The following PASK variants were observed in gnomAD, a reference collection of about 807,000 sequenced individuals.
PASK encodes PAS domain containing serine/threonine kinase, also known as PAS domain-containing serine/threonine-protein kinase.
Under a neutral mutation model 121.0 loss-of-function variants are expected in PASK, and 110 were observed. The observed-to-expected ratio is 0.91, with a 90% confidence interval of 0.78 to 1.06. The LOEUF (loss-of-function observed/expected upper bound fraction) is 1.06. Ranked by LOEUF, PASK falls within the 50% of genes least tolerant of loss-of-function variation. The pLI is 0.00. For synonymous variants in PASK, 686 were observed against 717.8 expected, an observed-to-expected ratio of 0.96 and a Z score of 0.71; for missense variants, 1,643 against 1,702.3, an observed-to-expected ratio of 0.97 and a Z score of 0.61.
At chr2:241,139,440 C>A in intron 4 of PASK, 1 of 453,096 alleles carries the variant, frequency 2.2e-6, no homozygotes, top group Admixed American at 2.4e-5. Flanking sequence ...ACACATGGCA[C>A]AGGTGAGAGA....
chr2:241,115,314 T>C lies in PASK; in HGVS notation c.3172A>G (p.Arg1058Gly). ...KVTLEIAILSRVEHANIIKVL... is the reference protein window; with the variant it reads ...KVTLEIAILSGVEHANIIKVL... ...TTGATGATATTGGCGTGCTCCACCCTGGATAGAATTGCGATCTCTAAAGTA... is the reference window on the plus strand; with the variant it reads ...TTGATGATATTGGCGTGCTCCACCCCGGATAGAATTGCGATCTCTAAAGTA... Residue 1058 changes from arginine to glycine, a missense_variant, in exon 13 of 18, where the codon AGG becomes GGG. Physicochemically the swap from Arg to Gly is moderately radical, Grantham distance 125. Transcript: ENST00000234040. 1 of 1,614,032 alleles carries C rather than the reference T, an allele frequency of 6.2e-7. No individual in the cohort carries two copies. Among genetic ancestry groups the C allele is most frequent in the East Asian group, 2.2e-5 (1 of 44,888 alleles).
intron 9 of PASK, among the ~76,000 whole-genome samples, chr2:241,131,459 T>C (rs886257565): frequency 1.3e-5 from 2 of 152,226 alleles, no homozygotes; most frequent in Non-Finnish European, 2.9e-5. Context: ...ATGCATTACA[T>C]ATTTTTAAAC....
chr2:241,149,198 C>G (rs1227624162), intron 1 of PASK, among the ~76,000 whole-genome samples: 1 of 152,114 alleles, frequency 6.6e-6, no homozygotes, highest in Admixed American at 6.5e-5. Flanking sequence ...CCAGGGCCAA[C>G]GGCCGCAACC....
Position 241,116,578 on chromosome 2 carries a change from C to T in PASK, c.3073-1165G>A, listed in dbSNP as rs2065379621. 2.0e-5 allele frequency among the ~76,000 whole-genome samples: 3 copies of T among 152,224 alleles called. No individual in the cohort carries two copies. In the East Asian group the frequency reaches 5.8e-4, roughly 29 times the overall value. Reference sequence around the variant, plus strand: ...ACAAAGAAAAGCTATCACTCTTAGACATGTTTTCAACATTGACTCTGAGAT... The same window carrying T: ...ACAAAGAAAAGCTATCACTCTTAGATATGTTTTCAACATTGACTCTGAGAT... On this transcript the variant is annotated intron_variant, in intron 12 of 17. Transcript: ENST00000234040.
rs751487103 is a variant in PASK, at chr2:241,138,812, T to G, written c.601-18A>C. 3 of 1,613,458 alleles carry G rather than the reference T, an allele frequency of 1.9e-6. No homozygotes were observed. Among genetic ancestry groups the G allele is most frequent in the Non-Finnish European group, 2.5e-6 (3 of 1,179,960 alleles). On this transcript the variant is annotated intron_variant, in intron 4 of 17. Transcript: ENST00000234040. Reference sequence around the variant, plus strand: ...ATGTCCACCTGTGGAAACAGACAGGTTCACACCTGCATGCCATGAACCCAA... The same window carrying G: ...ATGTCCACCTGTGGAAACAGACAGGGTCACACCTGCATGCCATGAACCCAA...
In PASK at chr2:241,108,583, G is replaced by T. The variant is rs903209709; in HGVS notation, c.3534-283C>A. On this transcript the variant is annotated intron_variant, in intron 15 of 17. Transcript: ENST00000234040. The surrounding 1 kb of genome is among the most constrained non-coding windows in gnomAD (Gnocchi z 5.2). The stretch of plus-strand genomic sequence containing the variant: ...CAACCACAAGACGTGTCTACCAGAG[G>T]GGGGAGCGGGGGGAGGGCTTCCTGG... 2.0e-6 allele frequency: 1 copy of T among 488,298 alleles called. No homozygotes were observed. Among genetic ancestry groups the T allele is most frequent in the Admixed American group, 3.2e-5 (1 of 30,852 alleles). The allele number at this position is 488,298 out of a possible 1,614,324, so 30.2% of individuals were successfully genotyped here.
Position 241,112,208 on chromosome 2 carries a change from G to A in PASK, c.3533+32C>T, listed in dbSNP as rs367683362. Reference sequence around the variant, plus strand: ...CCCTCAGGGTCCTGACAGAGGACACGAGGACGGGCCGCACCGCAGCCGCAT... The same window carrying A: ...CCCTCAGGGTCCTGACAGAGGACACAAGGACGGGCCGCACCGCAGCCGCAT... On this transcript the variant is annotated intron_variant, in intron 15 of 17. Coordinates refer to ENST00000234040, the MANE Select transcript of PASK (RefSeq NM_015148.4). This position sits in a 1 kb window ranked among gnomAD's most constrained non-coding sequence, Gnocchi z 5.2. 112 of 1,561,064 alleles carry A rather than the reference G, an allele frequency of 7.2e-5. No homozygotes were observed. Among genetic ancestry groups the A allele is most frequent in the Non-Finnish European group, 8.1e-5 (92 of 1,131,930 alleles).
chr2:241,131,533 C>T (rs960882371), intron 9 of PASK, among the ~76,000 whole-genome samples: 1 of 152,114 alleles, frequency 6.6e-6, no homozygotes, highest in Admixed American at 6.5e-5. Context: ...CTAGAAAACA[C>T]AACTATGTGG....
chr2:241,143,569 A>G (rs1380048843), intron 1 of PASK, among the ~76,000 whole-genome samples: 1 of 152,168 alleles, frequency 6.6e-6, no homozygotes, highest in Non-Finnish European at 1.5e-5. Flanking sequence ...AGAAAAAAAA[A>G]AAGAAGCTCT....
At chr2:241,124,231 A>G in intron 10 of PASK, 98 bp from the exon 11 acceptor site, 4 of 952,476 alleles carry the variant, frequency 4.2e-6, no homozygotes, top group Non-Finnish European at 6.6e-6. Flanking sequence ...GCAACAGTCC[A>G]ATCCCCAGCA....
chr2:241,132,484 G>A (rs745620456), intron 9 of PASK, among the ~76,000 whole-genome samples: 11 of 124,736 alleles, frequency 8.8e-5, no homozygotes, highest in Middle Eastern at 5.1e-3. Flanking sequence ...AGCTGAGATC[G>A]CACCACTGCA....
At chr2:241,113,637 G>C (rs1046670532) in intron 14 of PASK, 1 of 797,118 alleles carries the variant, frequency 1.3e-6, no homozygotes, top group Non-Finnish European at 1.5e-6. Context: ...ACATGAACTT[G>C]AACATGGAAA....
chr2:241,109,838 G>A (rs1274827651), intron 15 of PASK: 2 of 152,234 alleles, frequency 1.3e-5, no homozygotes, highest in African/African-American at 4.8e-5. Flanking sequence ...TTCCTGTGAA[G>A]GGTCAAATAG....
Position 241,132,918 on chromosome 2 carries a change from A to G in PASK, c.1419T>C (p.Ala473=). ...IFTGTQTELI[A]GGQLLSCLSP... ...AGAGGCAGGAAAGGAGCTGGCCTCC[A>G]GCAATCAGCTCAGTCTGAGTCCCGG... is the stretch of plus-strand genomic sequence containing the variant. The change falls in exon 9 of 18, where the codon GCT becomes GCC. Residue 473 remains alanine (A), a synonymous_variant. Coordinates refer to ENST00000234040, the MANE Select transcript of PASK (RefSeq NM_015148.4). The G allele has an allele frequency of 4.3e-6, 7 of 1,614,060 alleles. No homozygotes were observed. The highest frequency in any genetic ancestry group is 1.6e-4 in the Middle Eastern group (1 of 6,062).
chr2:241,117,350 A>C (rs958239528), intron 12 of PASK, among the ~76,000 whole-genome samples: 3 of 152,104 alleles, frequency 2.0e-5, no homozygotes, highest in African/African-American at 7.2e-5. Flanking sequence ...CTGAGGAGCA[A>C]AAGAAGGGCC....
intron 1 of PASK, among the ~76,000 whole-genome samples, chr2:241,148,884 C>G (rs1389514172): frequency 6.6e-6 from 1 of 152,194 alleles, no homozygotes; most frequent in Non-Finnish European, 1.5e-5. Context: ...AGCGCAGGCC[C>G]CTGCCGTACT....
chr2:241,132,527 T>TTAAAAAAAAAAAAAAAAAA (rs1486560170), intron 9 of PASK, among the ~76,000 whole-genome samples: 3 of 39,532 alleles, frequency 7.6e-5, no homozygotes, highest in African/African-American at 3.0e-4. Flanking sequence ...AGACTCTGTC[T>TTAAAAAAAAAAAAAAAAAA]AAAAAAAAAA....
intron 5 of PASK, among the ~76,000 whole-genome samples, chr2:241,138,346 A>C (rs1314242169): frequency 6.6e-6 from 1 of 152,248 alleles, no homozygotes; most frequent in Non-Finnish European, 1.5e-5. Context: ...CCCAGTTCAC[A>C]TATGAGGGCT....
chr2:241,109,141 C>T, intron 15 of PASK: 1 of 153,350 alleles, frequency 6.5e-6, no homozygotes, highest in East Asian at 1.9e-4. Flanking sequence ...CCATTTATTT[C>T]CTGTCACCGT....
Sources: gnomAD v4.1 joint callset for allele counts (sites outside exome capture counted in the v4.1 genomes callset) on GRCh38, gnomAD v4.1.1 for gene constraint, Gnocchi (gnomAD v3.1) non-coding constraint, MANE v1.5 for transcripts, NCBI Gene and HGNC (gene_info 2026-07-23, HGNC 2026-07-21) for gene names.